Variants in ZBTB20 observed in about 807,000 individuals in gnomAD.
ZBTB20 encodes zinc finger and BTB domain containing 20, also known as zinc finger and BTB domain-containing protein 20.
A neutral mutation model predicts 56.9 loss-of-function variants in ZBTB20; 9 were observed. That is an observed-to-expected ratio of 0.16 (90% CI 0.10 to 0.28). The LOEUF (loss-of-function observed/expected upper bound fraction) is 0.28, where lower values mean the gene tolerates loss of function less well. Among genes scored for constraint, ZBTB20 ranks in the 10% least tolerant of loss-of-function variants. The pLI, the probability that ZBTB20 is intolerant of heterozygous loss-of-function variation, is 1.00. For missense variants in ZBTB20, 655 were observed against 1,003.0 expected, an observed-to-expected ratio of 0.65 and a Z score of 4.69; for synonymous variants, 417 against 420.7, an observed-to-expected ratio of 0.99 and a Z score of 0.11.
chr3:114,890,553 A>C lies in ZBTB20; in HGVS notation c.-417+9751T>G, dbSNP rs562370721. 3.3e-5 allele frequency among the ~76,000 whole-genome samples: 5 copies of C among 152,274 alleles called. No homozygotes were observed. In the South Asian group the frequency reaches 1.0e-3, roughly 32 times the overall value. On this transcript the variant is annotated intron_variant, in intron 4 of 11. Transcript: ENST00000675478. ...ACTCATAGGTGGGAATTGAACAATG[A>C]GAACACTTGGACACAGGGTGGGGAA...
chr3:114,737,592 G>A (rs527828307), intron 5 of ZBTB20, among the ~76,000 whole-genome samples: 28 of 151,992 alleles, frequency 1.8e-4, no homozygotes, highest in South Asian at 6.3e-4. Flanking sequence ...GAATCTACAC[G>A]GATAACTTCT....
intron 1 of ZBTB20, among the ~76,000 whole-genome samples, chr3:115,105,490 C>T (rs1026399284): frequency 1.2e-4 from 18 of 152,178 alleles, no homozygotes; most frequent in African/African-American, 3.9e-4. Context: ...CCAGCCATGA[C>T]TCTGTGGTTG....
chr3:114,798,334 T>TAAAAAACA (rs113134634), intron 5 of ZBTB20, among the ~76,000 whole-genome samples: 27,580 of 68,682 alleles, frequency 0.4, 3,856 homozygotes, highest in African/African-American at 0.46. Context: ...GGAACAAAAT[T>TAAAAAACA]AAAAAACAAA....
intron 11 of ZBTB20, among the ~76,000 whole-genome samples, chr3:114,342,859 C>T (rs957346502): frequency 6.6e-6 from 1 of 152,114 alleles, no homozygotes; most frequent in African/African-American, 2.4e-5. Flanking sequence ...AAGGTATCGT[C>T]TACTCTCTCA....
intron 5 of ZBTB20, among the ~76,000 whole-genome samples, chr3:114,701,861 G>C (rs190375087): frequency 6.6e-6 from 1 of 152,262 alleles, no homozygotes; most frequent in East Asian, 1.9e-4. Context: ...TCTTGGCTCT[G>C]ATAAATCCCT....
At chr3:114,609,563 T>C (rs963695886) in intron 6 of ZBTB20, among the ~76,000 whole-genome samples, 1 of 152,198 alleles carries the variant, frequency 6.6e-6, no homozygotes, top group African/African-American at 2.4e-5. Context: ...ATAAGGCATA[T>C]TGCATATTGA....
chr3:114,695,552 G>A (rs183572957), intron 5 of ZBTB20, among the ~76,000 whole-genome samples: 75 of 151,676 alleles, frequency 4.9e-4, no homozygotes, highest in Non-Finnish European at 8.8e-4. Flanking sequence ...CTTTTATAAC[G>A]AGATACTTTC....
At chr3:114,480,150 GA>G (rs1221001677) in intron 7 of ZBTB20, among the ~76,000 whole-genome samples, 2 of 149,970 alleles carry the variant, frequency 1.3e-5, no homozygotes, top group African/African-American at 2.4e-5. Context: ...GTTTTATGAA[GA>G]AAAAAAATCC....
At chr3:115,049,165 G>A (rs2081448691) in intron 2 of ZBTB20, among the ~76,000 whole-genome samples, 1 of 151,994 alleles carries the variant, frequency 6.6e-6, no homozygotes, top group Non-Finnish European at 1.5e-5. Context: ...TGGGTTAAGT[G>A]CCCCTTCTTG....
chr3:114,787,524 A>C (rs755170507), intron 5 of ZBTB20, among the ~76,000 whole-genome samples: 2 of 151,610 alleles, frequency 1.3e-5, no homozygotes, highest in Non-Finnish European at 2.9e-5. Flanking sequence ...ACTCTTGGAA[A>C]GACAAAACTA....
chr3:114,374,683 T>A (rs1202300916), intron 10 of ZBTB20, among the ~76,000 whole-genome samples: 6 of 152,246 alleles, frequency 3.9e-5, no homozygotes, highest in African/African-American at 1.4e-4. Context: ...CCAGTTAGTT[T>A]AGACACATCT....
intron 6 of ZBTB20, among the ~76,000 whole-genome samples, chr3:114,588,798 A>C (rs1157909287): frequency 6.6e-6 from 1 of 152,162 alleles, no homozygotes; most frequent in Non-Finnish European, 1.5e-5. Flanking sequence ...CTTATGCTGA[A>C]TCTTAATCCA....
At chr3:114,532,261 G>A (rs533898558) in intron 6 of ZBTB20, among the ~76,000 whole-genome samples, 95 of 152,222 alleles carry the variant, frequency 6.2e-4, no homozygotes, top group South Asian at 2.5e-3. Flanking sequence ...CTGCCAGCAC[G>A]GCAGTCTGAA....
intron 3 of ZBTB20, among the ~76,000 whole-genome samples, chr3:114,968,102 C>T (rs558599510): frequency 1.7e-4 from 26 of 151,898 alleles, no homozygotes; most frequent in Non-Finnish European, 3.4e-4. Flanking sequence ...ATATAGCATG[C>T]GTATATATGC....
At chr3:114,363,672 A>G (rs547828232) in intron 10 of ZBTB20, among the ~76,000 whole-genome samples, 4 of 152,338 alleles carry the variant, frequency 2.6e-5, no homozygotes, top group African/African-American at 9.6e-5. Flanking sequence ...GAAACTGTAC[A>G]TGAGATAGAT....
intron 4 of ZBTB20, among the ~76,000 whole-genome samples, chr3:114,877,608 T>C (rs1213675696): frequency 6.6e-6 from 1 of 152,216 alleles, no homozygotes; most frequent in Non-Finnish European, 1.5e-5. Flanking sequence ...GCCAATCCCT[T>C]AGTTTTATAT....
intron 4 of ZBTB20, among the ~76,000 whole-genome samples, chr3:114,857,240 C>T (rs6796834): frequency 0.75 from 114,356 of 152,102 alleles, 47,353 homozygotes; most frequent in East Asian, 0.99. Context: ...TTTGAGATCA[C>T]GTCTTCATCA....
At chr3:114,717,415 TC>T (rs1340824855) in intron 5 of ZBTB20, among the ~76,000 whole-genome samples, 18 of 152,106 alleles carry the variant, frequency 1.2e-4, no homozygotes, top group Admixed American at 6.6e-4. Context: ...TAGACCAAGA[TC>T]TGTTGAATCT....
At chr3:114,851,522 T>G (rs1435256397) in intron 4 of ZBTB20, among the ~76,000 whole-genome samples, 1 of 152,142 alleles carries the variant, frequency 6.6e-6, no homozygotes, top group Non-Finnish European at 1.5e-5. Flanking sequence ...TTCCCCATTG[T>G]ATTTCCAATT....
Sources: gnomAD v4.1 joint callset for allele counts (sites outside exome capture counted in the v4.1 genomes callset) on GRCh38, gnomAD v4.1.1 for gene constraint, MANE v1.5 for transcripts, NCBI Gene and HGNC (gene_info 2026-07-23, HGNC 2026-07-21) for gene names.